Variants in RPAP2 observed in about 807,000 individuals in gnomAD.
The protein encoded by RPAP2 is RNA polymerase II associated protein 2, also known as putative RNA polymerase II subunit B1 CTD phosphatase RPAP2.
A neutral mutation model predicts 73.1 loss-of-function variants in RPAP2; 52 were observed. The ratio of observed to expected loss-of-function variants is 0.71; its 90% CI spans 0.57 to 0.90. The LOEUF is 0.90. Among genes scored for constraint, RPAP2 ranks in the 40% least tolerant of loss-of-function variants. The pLI, the probability that RPAP2 is intolerant of heterozygous loss-of-function variation, is 0.00. For synonymous variants in RPAP2, 225 were observed against 242.1 expected (o/e 0.93, Z 0.65); for missense variants, 598 against 701.8 (o/e 0.85, Z 1.67).
At chr1:92,360,351 A>G (rs1319133739) in intron 11 of RPAP2, among the ~76,000 whole-genome samples, 1 of 152,198 alleles carries the variant, frequency 6.6e-6, no homozygotes, top group African/African-American at 2.4e-5. Context: ...TGGAGACCAG[A>G]TTGCAAAGGC....
chr1:92,302,792 G>A (rs1650957323), intron 3 of RPAP2, among the ~76,000 whole-genome samples: 2 of 151,388 alleles, frequency 1.3e-5, no homozygotes, highest in Admixed American at 1.3e-4. Context: ...AGTAGAGATG[G>A]GATTTCACTG....
At chr1:92,328,686 G>C (rs1173614500) in intron 8 of RPAP2, among the ~76,000 whole-genome samples, 2 of 152,168 alleles carry the variant, frequency 1.3e-5, no homozygotes, top group East Asian at 3.8e-4. Context: ...CATTGCTGGT[G>C]AGCTAGTATG....
chr1:92,310,194 A>C (rs1280275256), intron 6 of RPAP2, among the ~76,000 whole-genome samples: 1 of 152,192 alleles, frequency 6.6e-6, no homozygotes, highest in East Asian at 1.9e-4. Flanking sequence ...TAACCATATC[A>C]GTATCTTTTA....
intron 11 of RPAP2, among the ~76,000 whole-genome samples, chr1:92,356,694 C>T (rs950683638): frequency 9.3e-5 from 14 of 151,348 alleles, no homozygotes; most frequent in African/African-American, 3.2e-4. Context: ...CTCAGCCTTC[C>T]GAAGTGCTGG....
rs1021677114 is a variant in RPAP2 at position 92,382,487 on chromosome 1, T to C, written c.1838+1614T>C. 6.0e-4 allele frequency among the ~76,000 whole-genome samples: 92 copies of C among 152,176 alleles called. 1 individual carries two copies. Among genetic ancestry groups the C allele is most frequent in the African/African-American group, 2.1e-3 (86 of 41,516 alleles). On this transcript the variant is annotated intron_variant, in intron 12 of 12. Transcript: ENST00000610020. ...CTAACTGGTGTGAGATGGTATCTCA[T>C]TGTGGTTTTGATTTGCATTTCTCTG...
chr1:92,386,437 G>A (rs542836344), intron 12 of RPAP2, among the ~76,000 whole-genome samples: 62 of 152,310 alleles, frequency 4.1e-4, no homozygotes, highest in African/African-American at 1.4e-3. Flanking sequence ...AATGCTGTGA[G>A]CTAACGAAAT....
chr1:92,386,877 T>G (rs989589622), intron 12 of RPAP2, 134 bp from the exon 13 acceptor site: 53 of 576,484 alleles, frequency 9.2e-5, no homozygotes, highest in Non-Finnish European at 4.3e-5. Flanking sequence ...ACTTTTTGGG[T>G]TTTTTTGTAT....
intron 10 of RPAP2, among the ~76,000 whole-genome samples, chr1:92,342,748 C>T (rs7514349): frequency 1.3e-5 from 2 of 152,182 alleles, no homozygotes; most frequent in East Asian, 1.9e-4. Context: ...TGGTGACTGG[C>T]TGGACATGGG....
At chr1:92,385,543 G>A (rs779030740) in intron 12 of RPAP2, among the ~76,000 whole-genome samples, 4 of 152,008 alleles carry the variant, frequency 2.6e-5, no homozygotes, top group South Asian at 2.1e-4. Flanking sequence ...AGGATAGAAG[G>A]TTTTTTTGTT....
rs983041105 is a variant in RPAP2, at chr1:92,387,884, T to C, written c.*873T>C. 1 of 152,196 alleles carries C rather than the reference T, an allele frequency of 6.6e-6. No individual in the cohort carries two copies. The highest frequency in any genetic ancestry group is 1.5e-5 in the Non-Finnish European group (1 of 68,026). The allele number at this position is 152,196 out of a possible 1,614,324, so 9.4% of individuals were successfully genotyped here. A position where few individuals can be genotyped will look rare whatever the true frequency, so the allele number is the denominator to read the frequency against. On this transcript the variant is annotated 3_prime_UTR_variant, in exon 13 of 13. Coordinates refer to ENST00000610020, the MANE Select transcript of RPAP2 (RefSeq NM_024813.3). ...GTTCAGGTTGTATGGCAGTAGGCCA[T>C]AGAATTGGCTACTGCCATACAATCT...
At position 92,324,032 on chromosome 1, in the gene RPAP2, A is replaced by C. The variant is rs186596095; in HGVS notation, c.1112A>C (p.Lys371Thr). The C allele has an allele frequency of 6.2e-7, 1 of 1,613,950 alleles. No individual in the cohort carries two copies. The highest frequency in any genetic ancestry group is 1.1e-5 in the South Asian group (1 of 91,082). The change falls in exon 8 of 13, where the codon AAG (lysine) becomes ACG (threonine). Residue 371 changes from lysine (K) to threonine (T), a missense_variant. By Grantham distance (78) the Lys-to-Thr change is moderately conservative. This residue lies in a region of RPAP2 where 506 missense variants were observed against 612.8 expected (regional missense o/e 0.83). Coordinates refer to ENST00000610020, the MANE Select transcript of RPAP2 (RefSeq NM_024813.3). ...AAGAGAAACTTACTTAAAGTTTTGA[A>C]GGAGACTTTGATTGAGTGGAAGACA... is the stretch of plus-strand genomic sequence containing the variant. ...VGKRNLLKVL[K>T]ETLIEWKTEE...
chr1:92,361,102 TAC>T (rs999036291), intron 11 of RPAP2, among the ~76,000 whole-genome samples: 6 of 85,986 alleles, frequency 7.0e-5, no homozygotes, highest in Admixed American at 2.9e-4. Context: ...AATATATATA[TAC>T]ACACACACAC....
intron 11 of RPAP2, among the ~76,000 whole-genome samples, chr1:92,353,779 A>G (rs1352263153): frequency 6.6e-6 from 1 of 152,198 alleles, no homozygotes; most frequent in East Asian, 1.9e-4. Flanking sequence ...TATTGCTGAG[A>G]GTTTATGTAA....
chr1:92,386,132 A>C (rs577671604), intron 12 of RPAP2, among the ~76,000 whole-genome samples: 5 of 152,372 alleles, frequency 3.3e-5, no homozygotes, highest in African/African-American at 1.2e-4. Context: ...TGGAAGCCAC[A>C]GTCTTTTTGT....
chr1:92,371,889 CAAAA>C lies in RPAP2; in HGVS notation c.1689-8819_1689-8816del, dbSNP rs1164408246. Among the ~76,000 whole-genome samples, 6 of 92,136 alleles carry C rather than the reference CAAAA, an allele frequency of 6.5e-5. 1 individual carries two copies. Among genetic ancestry groups the C allele is most frequent in the African/African-American group, 8.2e-5 (2 of 24,470 alleles). 60.4% of individuals were successfully genotyped at this position (92,136 alleles called of 152,430 possible). A position where few individuals can be genotyped will look rare whatever the true frequency, so the allele number is the denominator to read the frequency against. ...CCTGGGTGACAGTGAGACCCTGTCT[CAAAA>C]AAAAAAAAAAAAAAACCAGAAAAAG... is the stretch of plus-strand genomic sequence containing the variant. On this transcript the variant is annotated intron_variant, in intron 11 of 12. Transcript: ENST00000610020.
At chr1:92,370,604 A>G (rs1655107647) in intron 11 of RPAP2, among the ~76,000 whole-genome samples, 3 of 151,996 alleles carry the variant, frequency 2.0e-5, no homozygotes. Context: ...TAGAATCTCC[A>G]TCCTTCAAAA....
At chr1:92,329,678 A>G (rs189079419) in intron 8 of RPAP2, among the ~76,000 whole-genome samples, 231 of 152,226 alleles carry the variant, frequency 1.5e-3, no homozygotes, top group Non-Finnish European at 2.7e-3. Flanking sequence ...CCTATCTGCT[A>G]TTTTTTCCCA....
chr1:92,358,075 CTG>C (rs1170753751), intron 11 of RPAP2, among the ~76,000 whole-genome samples: 16 of 152,258 alleles, frequency 1.1e-4, no homozygotes, highest in South Asian at 1.0e-3. Flanking sequence ...ATCATAAAAT[CTG>C]TGTTTTAGGA....
chr1:92,333,195 G>A, intron 8 of RPAP2, 196 bp from the exon 9 acceptor site: 1 of 523,138 alleles, frequency 1.9e-6, no homozygotes, highest in Non-Finnish European at 3.4e-6. Flanking sequence ...TCCAAAGAGG[G>A]CAAATGACTC....
Sources: gnomAD v4.1 joint callset for allele counts (sites outside exome capture counted in the v4.1 genomes callset) on GRCh38, gnomAD v4.1.1 for gene constraint, gnomAD v4.1.1 regional missense constraint, MANE v1.5 for transcripts, NCBI Gene and HGNC (gene_info 2026-07-23, HGNC 2026-07-21) for gene names.